The following ZNF69 variants were observed in gnomAD, a reference collection of about 807,000 sequenced individuals.
ZNF69 encodes zinc finger protein 69.
ZNF69 carries 47 observed loss-of-function variants against 50.9 expected under a neutral mutation model. The ratio of observed to expected loss-of-function variants is 0.92; its 90% confidence interval spans 0.73 to 1.18. ZNF69 has a LOEUF of 1.18. Ranked by LOEUF, ZNF69 falls within the 50% of genes most tolerant of loss-of-function variation. The pLI, the probability that ZNF69 is intolerant of heterozygous loss-of-function variation, is 0.00. For missense variants in ZNF69, 717 were observed against 675.1 expected (o/e 1.06, Z -0.69); for synonymous variants, 216 against 223.1 (o/e 0.97, Z 0.29).
In ZNF69 at chr19:11,905,539, C is replaced by G. The variant is rs764443691; in HGVS notation, c.1142C>G (p.Thr381Ser). The G allele has an allele frequency of 1.2e-6, 2 of 1,613,650 alleles. No individual in the cohort carries two copies. Among genetic ancestry groups the G allele is most frequent in the South Asian group, 2.2e-5 (2 of 91,056 alleles). The change falls in exon 4 of 4, where the codon ACT becomes AGT. Residue 381 changes from threonine (T) to serine (S), a missense_variant. Transcript: ENST00000429654. ...AATTCATTTCAAAGACATGAAAAAA[C>G]TCACAGTGGAGAGAAACCCTATAAA... is the stretch of plus-strand genomic sequence containing the variant. ...SANSFQRHEK[T>S]HSGEKPYKCK...
chr19:11,967,155 C>T, the ZNF69 span, among the ~76,000 whole-genome samples: 4 of 152,042 alleles, frequency 2.6e-5, no homozygotes, highest in Admixed American at 2.6e-4. Flanking sequence ...GGCAACATAG[C>T]GAAACCTCTT....
the ZNF69 span, chr19:11,948,430 A>C: frequency 2.0e-5 from 32 of 1,614,078 alleles, no homozygotes; most frequent in South Asian, 1.1e-4. Context: ...AGAAGTTGGC[A>C]TAGGTAACTC....
chr19:11,948,299 A>G, the ZNF69 span: 212 of 1,613,292 alleles, frequency 1.3e-4, no homozygotes, highest in East Asian at 2.5e-4. Context: ...GAGAAAGTCA[A>G]TGAAATTAAA....
the ZNF69 span, among the ~76,000 whole-genome samples, chr19:11,951,960 A>G: frequency 6.6e-6 from 1 of 152,208 alleles, no homozygotes; most frequent in East Asian, 1.9e-4. Context: ...GGATCACCTG[A>G]GGTCAATACT....
rs766168202 is a variant in ZNF69 at position 11,887,956 on chromosome 19, G to A, written c.33G>A (p.Glu11=). ...GCTGTAGTCACAGGAGGTGTAGAGAGGACCCCGGGACATCTGAAAGCCAGG... is the reference window on the plus strand; with the variant it reads ...GCTGTAGTCACAGGAGGTGTAGAGAAGACCCCGGGACATCTGAAAGCCAGG... MPCCSHRRCR[E]DPGTSESQEM... The change falls in exon 1 of 4, where the codon GAG becomes GAA. Residue 11 remains glutamate (E), a synonymous_variant. Transcript: ENST00000429654. 2 of 1,612,802 alleles carry A rather than the reference G, an allele frequency of 1.2e-6. No individual in the cohort carries two copies. Among genetic ancestry groups the A allele is most frequent in the Non-Finnish European group, 1.7e-6 (2 of 1,179,118 alleles).
the ZNF69 span, among the ~76,000 whole-genome samples, chr19:11,945,638 C>T: frequency 6.6e-6 from 1 of 152,040 alleles, no homozygotes; most frequent in Non-Finnish European, 1.5e-5. Flanking sequence ...TGTCTTCTGC[C>T]CACACCTTTG....
At chr19:11,895,451 G>C (rs1977203392) in intron 1 of ZNF69, among the ~76,000 whole-genome samples, 1 of 152,214 alleles carries the variant, frequency 6.6e-6, no homozygotes, top group Non-Finnish European at 1.5e-5. Context: ...GTTTCTGGTG[G>C]ATTTAGAGCA....
At chr19:11,979,530 CA>C in the ZNF69 span, 1 of 1,600,218 alleles carries the variant, frequency 6.2e-7, no homozygotes, top group Non-Finnish European at 8.5e-7. Flanking sequence ...ACTCACACTG[CA>C]GAGAAACCCT....
At chr19:11,913,845 A>C (rs1972493992) in exon 5 of ZNF69, 1 of 153,388 alleles carries the variant, frequency 6.5e-6, no homozygotes, top group African/African-American at 2.4e-5. Flanking sequence ...TGACTGTGAG[A>C]TGTATGAGAA....
the ZNF69 span, among the ~76,000 whole-genome samples, chr19:11,956,313 C>T: frequency 6.6e-6 from 1 of 152,248 alleles, no homozygotes; most frequent in South Asian, 2.1e-4. Flanking sequence ...TTTTGACATG[C>T]ACACGGAAGG....
chr19:11,965,479 C>T, the ZNF69 span, among the ~76,000 whole-genome samples: 1 of 152,244 alleles, frequency 6.6e-6, no homozygotes, highest in African/African-American at 2.4e-5. Flanking sequence ...CGCAGCCCCG[C>T]GTCTCCCCAG....
At chr19:11,974,510 C>G in the ZNF69 span, among the ~76,000 whole-genome samples, 21 of 147,710 alleles carry the variant, frequency 1.4e-4, no homozygotes, top group Admixed American at 4.9e-4. Flanking sequence ...TTAATTTACT[C>G]TTTAATAACA....
the ZNF69 span, among the ~76,000 whole-genome samples, chr19:11,957,942 A>G: frequency 2.0e-5 from 3 of 152,152 alleles, no homozygotes; most frequent in Non-Finnish European, 2.9e-5. Context: ...CTAAAGAGAA[A>G]ACTGTTCACC....
chr19:11,913,210 A>G (rs1478181169), intron 4 of ZNF69, among the ~76,000 whole-genome samples: 3 of 152,068 alleles, frequency 2.0e-5, no homozygotes, highest in South Asian at 2.1e-4. Flanking sequence ...AAAAAAAGCT[A>G]TAATAAAATA....
chr19:11,926,614 C>G, the ZNF69 span: 2 of 154,168 alleles, frequency 1.3e-5, no homozygotes, highest in Non-Finnish European at 2.9e-5. Flanking sequence ...GTCTCGAACT[C>G]CTGACCTCAA....
chr19:11,962,417 T>A, the ZNF69 span, among the ~76,000 whole-genome samples: 7 of 152,248 alleles, frequency 4.6e-5, no homozygotes, highest in South Asian at 1.0e-3. Context: ...CAGGCTGGAG[T>A]GCAGTGGTGG....
the ZNF69 span, chr19:11,976,792 G>A: frequency 3.7e-5 from 41 of 1,109,866 alleles, no homozygotes; most frequent in East Asian, 1.2e-4. Context: ...CTTGAACCCC[G>A]GTCATGAGCC....
At chr19:11,979,583 T>C in the ZNF69 span, 2 of 1,603,936 alleles carry the variant, frequency 1.2e-6, no homozygotes, top group Admixed American at 3.4e-5. Context: ...TAGTTCCAGT[T>C]CCTTTTGGTA....
chr19:11,925,177 G>C, the ZNF69 span: 4 of 1,609,814 alleles, frequency 2.5e-6, no homozygotes, highest in East Asian at 4.5e-5. Context: ...CCTGGTGCCT[G>C]TACCCAGGCT....
Sources: gnomAD v4.1 joint callset for allele counts (sites outside exome capture counted in the v4.1 genomes callset) on GRCh38, gnomAD v4.1.1 for gene constraint, MANE v1.5 for transcripts, NCBI Gene and HGNC (gene_info 2026-07-23, HGNC 2026-07-21) for gene names.